Variants in CHD9 observed in about 807,000 individuals in gnomAD.
CHD9 encodes the protein ATP-dependent chromatin remodeler CHD9.
A neutral mutation model predicts 316.1 loss-of-function variants in CHD9; 77 were observed. That is an observed-to-expected ratio of 0.24 (90% CI 0.20 to 0.29). The LOEUF (loss-of-function observed/expected upper bound fraction) is 0.29. CHD9 is among the 10% of genes least tolerant of loss of function. The pLI is 1.00. For synonymous variants in CHD9, 1,129 were observed against 1,158.3 expected, an observed-to-expected ratio of 0.97 and a Z score of 0.51; for missense variants, 2,763 against 3,438.1, an observed-to-expected ratio of 0.80 and a Z score of 4.91.
At chr16:53,085,250 A>AT (rs1240435881) in intron 1 of CHD9, among the ~76,000 whole-genome samples, 4 of 143,138 alleles carry the variant, frequency 2.8e-5, no homozygotes, top group Admixed American at 7.0e-5. Flanking sequence ...TTTTTTTTTT[A>AT]TTTTTTTTAG....
intron 22 of CHD9, among the ~76,000 whole-genome samples, chr16:53,270,303 A>G (rs190039218): frequency 5.2e-4 from 79 of 152,020 alleles, no homozygotes; most frequent in Non-Finnish European, 9.3e-4. Context: ...GATTGAAACA[A>G]ATAACCCAGA....
Position 53,314,505 on chromosome 16 carries a change from C to A in CHD9, c.7351C>A (p.Pro2451Thr), listed in dbSNP as rs773833738. 1 of 1,572,660 alleles carries A rather than the reference C, an allele frequency of 6.4e-7. No individual in the cohort carries two copies. The highest frequency in any genetic ancestry group is 8.6e-7 in the Non-Finnish European group (1 of 1,158,554). ...VDIFFFNRNK[P>T]PNHVSLGLTS... ...CATCTTCTTTTTTAACAGAAATAAA[C>A]CACCTAATCATGTAAGTAAAGCAGT... Residue 2451 changes from proline (P) to threonine (T), a missense_variant, in exon 35 of 39, where the codon CCA (proline) becomes ACA (threonine). Coordinates refer to ENST00000447540, the MANE Select transcript of CHD9 (RefSeq NM_001308319.2).
At chr16:53,102,223 C>T (rs1304770939) in intron 1 of CHD9, among the ~76,000 whole-genome samples, 1 of 152,132 alleles carries the variant, frequency 6.6e-6, no homozygotes, top group Non-Finnish European at 1.5e-5. Flanking sequence ...GTCACTTCAC[C>T]TCTTTGGCCC....
At chr16:53,123,604 C>T (rs924346585) in intron 1 of CHD9, among the ~76,000 whole-genome samples, 8 of 152,064 alleles carry the variant, frequency 5.3e-5, no homozygotes, top group South Asian at 4.2e-4. Flanking sequence ...TGGGTTCAAG[C>T]GATCCTCCTG....
chr16:53,305,462 C>T (rs2055874861), intron 31 of CHD9, among the ~76,000 whole-genome samples: 1 of 152,198 alleles, frequency 6.6e-6, no homozygotes, highest in African/African-American at 2.4e-5. Flanking sequence ...CAAGGCATTA[C>T]ACAGTAGATT....
intron 2 of CHD9, among the ~76,000 whole-genome samples, chr16:53,163,774 C>T (rs559065464): frequency 1.1e-4 from 17 of 152,070 alleles, no homozygotes; most frequent in African/African-American, 3.6e-4. Flanking sequence ...ATATTTTTAT[C>T]GCATATATTA....
intron 2 of CHD9, among the ~76,000 whole-genome samples, chr16:53,195,278 G>A (rs144002328): frequency 1.3e-5 from 2 of 152,204 alleles, no homozygotes; most frequent in African/African-American, 2.4e-5. Context: ...TAACCTCATA[G>A]GTTAGTTTTG....
chr16:53,210,899 T>C lies in CHD9; in HGVS notation c.1784+1086T>C, dbSNP rs187994743. On this transcript the variant is annotated intron_variant, in intron 3 of 38. Coordinates refer to ENST00000447540, the MANE Select transcript of CHD9 (RefSeq NM_001308319.2). ...TTGTTATAATAGATTAATAATCATA[T>C]TGATTTTGCATTTTACTTGCAGACA... 3.7e-3 allele frequency among the ~76,000 whole-genome samples: 561 copies of C among 152,214 alleles called. 6 individuals are homozygous for C. Among genetic ancestry groups the C allele is most frequent in the African/African-American group, 0.013 (529 of 41,582 alleles).
At chr16:53,105,153 A>G (rs1597001971) in intron 1 of CHD9, among the ~76,000 whole-genome samples, 1 of 152,068 alleles carries the variant, frequency 6.6e-6, no homozygotes, top group Non-Finnish European at 1.5e-5. Flanking sequence ...TCTTTAAAAT[A>G]TTAAGTTTAT....
chr16:53,081,206 T>A (rs941683393), intron 1 of CHD9, among the ~76,000 whole-genome samples: 2 of 152,214 alleles, frequency 1.3e-5, no homozygotes. Flanking sequence ...ATGGAAAATC[T>A]CCCAGGGACT....
intron 2 of CHD9, among the ~76,000 whole-genome samples, chr16:53,196,504 G>T (rs1343115788): frequency 6.6e-6 from 1 of 152,106 alleles, no homozygotes; most frequent in African/African-American, 2.4e-5. Flanking sequence ...TTCATTGAGG[G>T]TTTACCTTAT....
At position 53,157,279 on chromosome 16, in the gene CHD9, A is replaced by G. The variant is rs748552497; in HGVS notation, c.1190A>G (p.Gln397Arg). ...EENLLHQVES[Q>R]TEPFTGLDPE... is the part of the protein sequence containing the mutation. ...AATTTACTTCATCAAGTGGAATCTCAAACTGAGCCATTCACAGGACTTGAC... is the reference window on the plus strand; with the variant it reads ...AATTTACTTCATCAAGTGGAATCTCGAACTGAGCCATTCACAGGACTTGAC... Residue 397 changes from glutamine (Q) to arginine (R), a missense_variant, in exon 2 of 39, where the codon CAA becomes CGA. Physicochemically the swap from Gln to Arg is conservative, Grantham distance 43 (BLOSUM62 1). Transcript: ENST00000447540. The G allele has an allele frequency of 7.5e-6, 12 of 1,608,744 alleles. No homozygotes were observed. The South Asian group carries it at 1.3e-4, about 18-fold the overall frequency.
At chr16:53,087,119 T>C (rs924347663) in intron 1 of CHD9, among the ~76,000 whole-genome samples, 1 of 152,180 alleles carries the variant, frequency 6.6e-6, no homozygotes, top group African/African-American at 2.4e-5. Context: ...TCAGGCCCCA[T>C]TGTCTTTAGA....
At chr16:53,089,879 T>G (rs2035787868) in intron 1 of CHD9, among the ~76,000 whole-genome samples, 1 of 152,194 alleles carries the variant, frequency 6.6e-6, no homozygotes, top group Non-Finnish European at 1.5e-5. Flanking sequence ...TGATCCCCTT[T>G]ACACCAGGCA....
chr16:53,089,983 G>T (rs2035797781), intron 1 of CHD9, among the ~76,000 whole-genome samples: 1 of 152,234 alleles, frequency 6.6e-6, no homozygotes, highest in Non-Finnish European at 1.5e-5. Context: ...TTGCAGGGCT[G>T]GTTCCTGGAC....
At chr16:53,221,711 T>TA (rs1362899134) in intron 3 of CHD9, among the ~76,000 whole-genome samples, 5 of 152,136 alleles carry the variant, frequency 3.3e-5, no homozygotes, top group African/African-American at 4.8e-5. Context: ...TTTAGGAATA[T>TA]AAAAAATAAT....
intron 2 of CHD9, among the ~76,000 whole-genome samples, chr16:53,178,584 G>A (rs2043256415): frequency 6.6e-6 from 1 of 151,842 alleles, no homozygotes; most frequent in African/African-American, 2.4e-5. Flanking sequence ...CCATGTAGCT[G>A]GGATCTCCCA....
At chr16:53,204,442 A>G (rs927047455) in intron 2 of CHD9, among the ~76,000 whole-genome samples, 3 of 152,200 alleles carry the variant, frequency 2.0e-5, no homozygotes, top group African/African-American at 7.2e-5. Flanking sequence ...TCTTTTCCTC[A>G]TGAAGGAAAA....
chr16:53,099,497 C>T (rs1051384471), intron 1 of CHD9, among the ~76,000 whole-genome samples: 2 of 151,892 alleles, frequency 1.3e-5, no homozygotes, highest in Non-Finnish European at 2.9e-5. Context: ...TCAGCTACAC[C>T]GAGGGGGACG....
Sources: allele counts gnomAD v4.1 joint callset (sites outside exome capture counted in the v4.1 genomes callset), GRCh38; gene constraint gnomAD v4.1.1; transcripts MANE v1.5; gene names NCBI Gene and HGNC (gene_info 2026-07-23, HGNC 2026-07-21).